The following PIK3R4 variants were observed in gnomAD, a reference collection of about 807,000 sequenced individuals.
The protein encoded by PIK3R4 is phosphoinositide-3-kinase regulatory subunit 4.
In PIK3R4, 46 loss-of-function variants were observed where a neutral mutation model predicts 136.5. That is an observed-to-expected ratio of 0.34 (90% confidence interval 0.27 to 0.43). The LOEUF (loss-of-function observed/expected upper bound fraction) is 0.43. PIK3R4 is among the 20% of genes least tolerant of loss of function. The probability of loss-of-function intolerance (pLI) is 1.00; values close to 1 mark genes in which losing one functional copy is unlikely to be tolerated. For synonymous variants in PIK3R4, 557 were observed against 566.7 expected (o/e 0.98, Z 0.24); for missense variants, 1,331 against 1,649.5 (o/e 0.81, Z 3.35).
chr3:130,728,431 A>G (rs1281472154), intron 6 of PIK3R4, 32 bp downstream of exon 6: 4 of 1,390,484 alleles, frequency 2.9e-6, no homozygotes, highest in Admixed American at 3.9e-5. Context: ...ATGATTAAAA[A>G]TCTTAAAGGA....
chr3:130,688,108 A>AT (rs1183552756), intron 14 of PIK3R4, among the ~76,000 whole-genome samples: 1 of 152,214 alleles, frequency 6.6e-6, no homozygotes, highest in Non-Finnish European at 1.5e-5. Context: ...CACAAATATC[A>AT]TGAGTCCATA....
chr3:130,728,072 A>G (rs912744493), intron 6 of PIK3R4, among the ~76,000 whole-genome samples: 2 of 151,984 alleles, frequency 1.3e-5, no homozygotes, highest in African/African-American at 4.8e-5. Context: ...AAAGTGATGC[A>G]TGTTCACTTT....
chr3:130,730,507 T>C (rs1174917968), intron 4 of PIK3R4, 65 bp from the exon 5 acceptor site: 1 of 1,181,682 alleles, frequency 8.5e-7, no homozygotes, highest in African/African-American at 1.6e-5. Flanking sequence ...CTTATTAACT[T>C]TTCCTCCCTG....
Position 130,740,836 on chromosome 3 carries a change from G to T in PIK3R4, c.733+3650C>A, listed in dbSNP as rs531509985. On this transcript the variant is annotated intron_variant, in intron 2 of 19. Transcript: ENST00000356763. ...CATAAGGTTAGGGAAAAAATGGGGCGTGAGGAAGAAGAAAACGATACCAAT... is the reference window on the plus strand; with the variant it reads ...CATAAGGTTAGGGAAAAAATGGGGCTTGAGGAAGAAGAAAACGATACCAAT... Among the ~76,000 whole-genome samples, 3 of 152,306 alleles carry T rather than the reference G, an allele frequency of 2.0e-5. No homozygotes were observed. The East Asian group carries it at 5.8e-4, about 29-fold the overall frequency.
chr3:130,733,832 A>C lies in PIK3R4; in HGVS notation c.1166T>G (p.Leu389Arg). 1 of 1,614,206 alleles carries C rather than the reference A, an allele frequency of 6.2e-7. No individual in the cohort carries two copies. Among genetic ancestry groups the C allele is most frequent in the Non-Finnish European group, 8.5e-7 (1 of 1,180,022 alleles). Reference protein sequence around the residue: ...VSVITSCLQTLKYCDSKLAAL... With the variant: ...VSVITSCLQTRKYCDSKLAAL... ...AGCTAGTTTGGAATCACAGTATTTAAGGGTCTGTAGGCAGGATGTTATAAC... is the reference window on the plus strand; with the variant it reads ...AGCTAGTTTGGAATCACAGTATTTACGGGTCTGTAGGCAGGATGTTATAAC... Residue 389 changes from leucine to arginine, a missense_variant, in exon 4 of 20, where the codon CTT (leucine) becomes CGT (arginine). Physicochemically the swap from Leu to Arg is moderately radical, Grantham distance 102. This residue lies in a region of PIK3R4 where 1,180 missense variants were observed against 1,407.0 expected (regional missense o/e 0.84). Coordinates refer to ENST00000356763, the MANE Select transcript of PIK3R4 (RefSeq NM_014602.3).
chr3:130,722,775 G>A (rs947745830), intron 7 of PIK3R4, among the ~76,000 whole-genome samples: 4 of 151,316 alleles, frequency 2.6e-5, no homozygotes, highest in African/African-American at 7.3e-5. Context: ...ACAAAGTCTC[G>A]GCCAGGAGCG....
At chr3:130,682,812 C>CTGTT (rs1387475026) in intron 16 of PIK3R4, among the ~76,000 whole-genome samples, 2 of 152,106 alleles carry the variant, frequency 1.3e-5, no homozygotes, top group African/African-American at 2.4e-5. Context: ...CTACTGTTTC[C>CTGTT]TGTTAGAATT....
At chr3:130,745,970 A>G (rs1466105357) in intron 1 of PIK3R4, among the ~76,000 whole-genome samples, 1 of 152,002 alleles carries the variant, frequency 6.6e-6, no homozygotes, top group Non-Finnish European at 1.5e-5. Flanking sequence ...CAGTGAGTGG[A>G]GATCCCGCCA....
At chr3:130,684,691 TTGAGAAGATACAAAA>T (rs2066479643) in intron 15 of PIK3R4, among the ~76,000 whole-genome samples, 1 of 152,196 alleles carries the variant, frequency 6.6e-6, no homozygotes, top group Admixed American at 6.5e-5. Flanking sequence ...ACAGAAGCTA[TTGAGAAGATACAAAA>T]TGAATTTGGT....
At position 130,744,953 on chromosome 3, in the gene PIK3R4, T is replaced by A; in HGVS notation, c.266A>T (p.Lys89Ile). 1 of 1,614,222 alleles carries A rather than the reference T, an allele frequency of 6.2e-7. No individual in the cohort carries two copies. The highest frequency in any genetic ancestry group is 8.5e-7 in the Non-Finnish European group (1 of 1,180,036). ...NSAQNCLPFQ[K>I]ASEKASEKAA... ...TTTCTCAGATGCTTTTTCTGATGCT[T>A]TCTGGAAAGGTAGACAATTCTGTGC... Residue 89 changes from lysine to isoleucine, a missense_variant, in exon 2 of 20, where the codon AAA (lysine) becomes ATA (isoleucine). Around this residue, in one of 2 missense-constraint regions of PIK3R4, gnomAD observed 151 missense variants for 242.5 expected, o/e 0.62. Coordinates refer to ENST00000356763, the MANE Select transcript of PIK3R4 (RefSeq NM_014602.3).
intron 2 of PIK3R4, among the ~76,000 whole-genome samples, chr3:130,739,512 C>T (rs2066808077): frequency 6.6e-6 from 1 of 152,136 alleles, no homozygotes; most frequent in South Asian, 2.1e-4. Flanking sequence ...GCTGGGACTA[C>T]AGGTGTACAC....
intron 9 of PIK3R4, among the ~76,000 whole-genome samples, chr3:130,716,162 A>C (rs1201277556): frequency 6.6e-6 from 1 of 152,212 alleles, no homozygotes; most frequent in East Asian, 1.9e-4. Flanking sequence ...TACAAAAGAA[A>C]CTTAAGAGGT....
chr3:130,720,726 C>T (rs975365868), intron 7 of PIK3R4, among the ~76,000 whole-genome samples: 2 of 152,136 alleles, frequency 1.3e-5, no homozygotes, highest in African/African-American at 4.8e-5. Flanking sequence ...ACAAAGGAAT[C>T]CAGGTGAGAG....
intron 7 of PIK3R4, among the ~76,000 whole-genome samples, chr3:130,719,604 A>G (rs975924290): frequency 6.6e-6 from 1 of 152,260 alleles, no homozygotes; most frequent in African/African-American, 2.4e-5. Flanking sequence ...CTGTGATAAG[A>G]GGGAAAATGA....
intron 2 of PIK3R4, among the ~76,000 whole-genome samples, chr3:130,738,817 C>T (rs2066801715): frequency 6.6e-6 from 1 of 151,542 alleles, no homozygotes; most frequent in Non-Finnish European, 1.5e-5. Context: ...TAAATATATA[C>T]AACTGAAAAA....
chr3:130,693,967 A>G (rs1295475097), intron 13 of PIK3R4, among the ~76,000 whole-genome samples: 4 of 152,066 alleles, frequency 2.6e-5, no homozygotes, highest in Non-Finnish European at 5.9e-5. Context: ...ATCTTTTTCC[A>G]TGCGGAAATC....
chr3:130,741,645 C>G (rs915564526), intron 2 of PIK3R4, among the ~76,000 whole-genome samples: 4 of 151,982 alleles, frequency 2.6e-5, no homozygotes, highest in African/African-American at 9.7e-5. Flanking sequence ...AAAGTAGTGC[C>G]CTACCAGCCT....
intron 7 of PIK3R4, among the ~76,000 whole-genome samples, chr3:130,722,874 G>A (rs2066709262): frequency 6.8e-6 from 1 of 147,956 alleles, no homozygotes; most frequent in Non-Finnish European, 1.5e-5. Flanking sequence ...GGCCAACATG[G>A]TAAAACCCCG....
intron 1 of PIK3R4, 139 bp downstream of exon 1, chr3:130,746,179 C>T (rs1040293006): frequency 1.3e-5 from 2 of 152,220 alleles, no homozygotes; most frequent in Non-Finnish European, 1.5e-5. Flanking sequence ...CAACAAGAAA[C>T]CTTGCCACAG....
Sources: allele counts gnomAD v4.1 joint callset (sites outside exome capture counted in the v4.1 genomes callset), GRCh38; gene constraint gnomAD v4.1.1; regional missense constraint gnomAD v4.1.1; transcripts MANE v1.5; gene names NCBI Gene and HGNC (gene_info 2026-07-23, HGNC 2026-07-21).